The following TMPRSS9 variants were observed in gnomAD, a reference collection of about 807,000 sequenced individuals.
TMPRSS9 encodes the protein transmembrane protease serine 9.
Under a neutral mutation model 111.4 loss-of-function variants are expected in TMPRSS9, and 113 were observed. The observed-to-expected ratio is 1.01, with a 90% CI of 0.87 to 1.19. The LOEUF is 1.19. Ranked by LOEUF, TMPRSS9 falls within the 50% of genes most tolerant of loss-of-function variation. The probability of loss-of-function intolerance (pLI) is 0.00; values close to 1 mark genes in which losing one functional copy is unlikely to be tolerated. For missense variants in TMPRSS9, 1,803 were observed against 1,513.1 expected (o/e 1.19, Z -3.18); for synonymous variants, 805 against 659.1 (o/e 1.22, Z -3.39).
intron 1 of TMPRSS9, among the ~76,000 whole-genome samples, chr19:2,367,360 T>C (rs1970255490): frequency 6.6e-6 from 1 of 152,144 alleles, no homozygotes; most frequent in African/African-American, 2.4e-5. Context: ...ACTGTAAATA[T>C]TGTTTAATAC....
chr19:2,374,350 A>ATC (rs79512779), intron 1 of TMPRSS9, among the ~76,000 whole-genome samples: 9,878 of 137,552 alleles, frequency 0.072, 530 homozygotes, highest in East Asian at 0.28. Context: ...AGGCCGGTGG[A>ATC]TCACCTGAGG....
At chr19:2,365,527 G>A (rs1158867714) in intron 1 of TMPRSS9, among the ~76,000 whole-genome samples, 1 of 152,054 alleles carries the variant, frequency 6.6e-6, no homozygotes, top group Non-Finnish European at 1.5e-5. Flanking sequence ...GGCTTTGGCT[G>A]CCGTGGGACC....
At chr19:2,376,284 G>A (rs1970333500) in intron 1 of TMPRSS9, among the ~76,000 whole-genome samples, 2 of 152,082 alleles carry the variant, frequency 1.3e-5, no homozygotes, top group Non-Finnish European at 2.9e-5. Context: ...GAACACTGTG[G>A]GGATATGAGG....
chr19:2,421,832 G>A lies in TMPRSS9; in HGVS notation c.2155-22G>A, dbSNP rs201903038. On this transcript the variant is annotated intron_variant, in intron 13 of 17. Coordinates refer to ENST00000648592, the Ensembl canonical transcript of TMPRSS9. ...GAGAGGGTCCCTGGAGGACCAACCA[G>A]TGCTCTTTCCTTCCTTTCTAGGGTG... 6.9e-5 allele frequency: 108 copies of A among 1,571,724 alleles called. 1 individual carries two copies. In the Admixed American group the frequency reaches 1.9e-3, roughly 28 times the overall value.
chr19:2,383,657 T>G (rs1970415109), intron 1 of TMPRSS9, among the ~76,000 whole-genome samples: 1 of 148,426 alleles, frequency 6.7e-6, no homozygotes, highest in African/African-American at 2.5e-5. Context: ...ATTTTTTAAC[T>G]TAGCTGGCAT....
At chr19:2,400,294 C>G (rs140756099) in intron 4 of TMPRSS9, among the ~76,000 whole-genome samples, 223 of 152,290 alleles carry the variant, frequency 1.5e-3, no homozygotes, top group African/African-American at 5.2e-3. Flanking sequence ...GTAATTCCAG[C>G]AATTTGGGAG....
chr19:2,406,723 G>T (rs1970977552), intron 7 of TMPRSS9, among the ~76,000 whole-genome samples: 1 of 151,776 alleles, frequency 6.6e-6, no homozygotes, highest in African/African-American at 2.4e-5. Flanking sequence ...GGTGACCAAT[G>T]ACATTTTGTT....
chr19:2,383,485 C>CT (rs1970411192), intron 1 of TMPRSS9, among the ~76,000 whole-genome samples: 1 of 149,698 alleles, frequency 6.7e-6, no homozygotes. Context: ...GACCCCGTCT[C>CT]TAAAAAAAAA....
chr19:2,382,559 CAT>C (rs1332634609), intron 1 of TMPRSS9, among the ~76,000 whole-genome samples: 2 of 152,084 alleles, frequency 1.3e-5, no homozygotes, highest in Non-Finnish European at 2.9e-5. Context: ...GATACACAGA[CAT>C]ATACGCACAG....
At chr19:2,407,170 G>T (rs951829249) in intron 7 of TMPRSS9, among the ~76,000 whole-genome samples, 1 of 151,888 alleles carries the variant, frequency 6.6e-6, no homozygotes, top group East Asian at 1.9e-4. Context: ...CTCATGGCTG[G>T]CTCCCCTCAC....
chr19:2,391,436 T>C (rs949088945), intron 1 of TMPRSS9, among the ~76,000 whole-genome samples: 24 of 151,544 alleles, frequency 1.6e-4, no homozygotes, highest in African/African-American at 5.3e-4. Context: ...CCAGACATGT[T>C]TGACTGAGGC....
intron 13 of TMPRSS9, among the ~76,000 whole-genome samples, chr19:2,419,424 G>C (rs1163360168): frequency 6.6e-6 from 1 of 151,420 alleles, no homozygotes; most frequent in Non-Finnish European, 1.5e-5. Context: ...GGATGGTCTC[G>C]ATCTCCTGAT....
intron 1 of TMPRSS9, among the ~76,000 whole-genome samples, chr19:2,390,305 A>G (rs1299931338): frequency 0.017 from 505 of 30,380 alleles, 8 homozygotes; most frequent in African/African-American, 0.04. Context: ...CAGTGGTGTG[A>G]TATCTCGGCT....
intron 1 of TMPRSS9, among the ~76,000 whole-genome samples, chr19:2,377,032 C>T (rs1970341006): frequency 6.6e-6 from 1 of 151,634 alleles, no homozygotes; most frequent in African/African-American, 2.4e-5. Context: ...GGGCGGCTCC[C>T]TCACGCTGGC....
At chr19:2,399,242 G>T (rs756856206) in intron 4 of TMPRSS9, 49 bp downstream of exon 5, 2 of 1,525,024 alleles carry the variant, frequency 1.3e-6, no homozygotes, top group East Asian at 4.6e-5. Context: ...GGCTGGAGTG[G>T]GGCAGGAGCT....
intron 4 of TMPRSS9, among the ~76,000 whole-genome samples, chr19:2,399,544 C>G (rs1427519563): frequency 2.0e-5 from 3 of 152,062 alleles, no homozygotes; most frequent in East Asian, 3.9e-4. Context: ...CCATTGCACT[C>G]CAGCCTGGGC....
At chr19:2,397,533 C>T (rs1361149200) in intron 2 of TMPRSS9, among the ~76,000 whole-genome samples, 1 of 152,116 alleles carries the variant, frequency 6.6e-6, no homozygotes, top group Non-Finnish European at 1.5e-5. Flanking sequence ...ACACAGGACA[C>T]AGCGAATTAT....
intron 1 of TMPRSS9, among the ~76,000 whole-genome samples, chr19:2,362,112 G>A (rs913609824): frequency 3.1e-4 from 47 of 151,972 alleles, no homozygotes; most frequent in African/African-American, 7.3e-5. Context: ...TGTGTGTGTG[G>A]GGTCATGAGT....
At chr19:2,376,785 G>A (rs1409289069) in intron 1 of TMPRSS9, among the ~76,000 whole-genome samples, 1 of 152,092 alleles carries the variant, frequency 6.6e-6, no homozygotes, top group Non-Finnish European at 1.5e-5. Flanking sequence ...AACGTACCCA[G>A]AGACACTGTC....
Sources: gnomAD v4.1 joint callset for allele counts (sites outside exome capture counted in the v4.1 genomes callset) on GRCh38, gnomAD v4.1.1 for gene constraint, MANE v1.5 for transcripts, NCBI Gene and HGNC (gene_info 2026-07-23, HGNC 2026-07-21) for gene names.